The following ARHGAP24 variants were observed in gnomAD, a reference collection of about 807,000 sequenced individuals.
The protein encoded by ARHGAP24 is Rho GTPase activating protein 24.
ARHGAP24 carries 50 observed loss-of-function variants against 76.4 expected under a neutral mutation model. The ratio of observed to expected loss-of-function variants is 0.65; its 90% CI spans 0.52 to 0.83. The LOEUF is 0.83. ARHGAP24 is among the 40% of genes least tolerant of loss of function. The probability of loss-of-function intolerance (pLI) is 0.00; values close to 1 mark genes in which losing one functional copy is unlikely to be tolerated. For synonymous variants in ARHGAP24, 345 were observed against 323.3 expected (o/e 1.07, Z -0.72); for missense variants, 930 against 914.2 (o/e 1.02, Z -0.22).
intron 5 of ARHGAP24, among the ~76,000 whole-genome samples, chr4:85,962,998 A>G (rs947417230): frequency 6.6e-6 from 1 of 151,982 alleles, no homozygotes; most frequent in Non-Finnish European, 1.5e-5. Context: ...AACAAAATAT[A>G]TATGTATCTG....
chr4:85,682,948 C>T (rs925769084), intron 2 of ARHGAP24, among the ~76,000 whole-genome samples: 1 of 152,066 alleles, frequency 6.6e-6, no homozygotes, highest in Middle Eastern at 3.4e-3. Flanking sequence ...TCTCCCATAC[C>T]AAAAATGATC....
intron 1 of ARHGAP24, among the ~76,000 whole-genome samples, chr4:85,491,534 AAC>A (rs138093021): frequency 6.6e-6 from 1 of 151,164 alleles, no homozygotes; most frequent in Non-Finnish European, 1.5e-5. Context: ...GGGTCTGTTT[AAC>A]ACACACACAC....
At chr4:85,581,279 T>C (rs1048810680) in intron 2 of ARHGAP24, among the ~76,000 whole-genome samples, 6 of 152,176 alleles carry the variant, frequency 3.9e-5, no homozygotes, top group African/African-American at 1.4e-4. Context: ...TTTATGTTCA[T>C]GTCACGTAGT....
At chr4:85,829,535 T>C (rs1219824810) in intron 3 of ARHGAP24, among the ~76,000 whole-genome samples, 1 of 152,210 alleles carries the variant, frequency 6.6e-6, no homozygotes, top group Non-Finnish European at 1.5e-5. Context: ...AACACTGTAA[T>C]GCTTTCTATG....
At chr4:85,903,835 A>G (rs1324520580) in intron 3 of ARHGAP24, among the ~76,000 whole-genome samples, 1 of 152,160 alleles carries the variant, frequency 6.6e-6, no homozygotes, top group Non-Finnish European at 1.5e-5. Context: ...AATATATTCC[A>G]TAAAACACAA....
At chr4:85,665,400 A>G (rs1722571889) in intron 2 of ARHGAP24, among the ~76,000 whole-genome samples, 1 of 152,010 alleles carries the variant, frequency 6.6e-6, no homozygotes, top group South Asian at 2.1e-4. Context: ...TTTTCAGCCT[A>G]TGTGTGTCTC....
At chr4:85,996,100 T>C (rs1437590601) in intron 9 of ARHGAP24, among the ~76,000 whole-genome samples, 2 of 152,188 alleles carry the variant, frequency 1.3e-5, no homozygotes, top group Non-Finnish European at 2.9e-5. Context: ...GTTTTATTCT[T>C]TCAATCATTG....
intron 1 of ARHGAP24, among the ~76,000 whole-genome samples, chr4:85,475,805 A>G (rs974454369): frequency 6.6e-6 from 1 of 151,816 alleles, no homozygotes; most frequent in African/African-American, 2.4e-5. Flanking sequence ...GCGCGCGCGC[A>G]TGTTTGTGCC....
chr4:85,835,320 G>C (rs1050429258), intron 3 of ARHGAP24, among the ~76,000 whole-genome samples: 3 of 151,860 alleles, frequency 2.0e-5, no homozygotes, highest in Admixed American at 2.0e-4. Flanking sequence ...GCACTTTTGG[G>C]AGGCTGAGGC....
chr4:85,977,287 A>G (rs954393269), intron 7 of ARHGAP24, among the ~76,000 whole-genome samples: 10 of 152,194 alleles, frequency 6.6e-5, no homozygotes, highest in Admixed American at 6.5e-4. Context: ...TCTCAAGTCC[A>G]TATTAGTATT....
chr4:85,858,603 A>G lies in ARHGAP24; in HGVS notation c.269-65045A>G, dbSNP rs1731715715. ...AATGTTAAAGAAAACATTATCTGGT[A>G]TGTTATGGCATTAAATAAAGCATTT... On this transcript the variant is annotated intron_variant, in intron 3 of 9. Transcript: ENST00000395184. 2.0e-5 allele frequency among the ~76,000 whole-genome samples: 3 copies of G among 152,270 alleles called. No homozygotes were observed. The South Asian group carries it at 6.2e-4, about 32-fold the overall frequency.
intron 3 of ARHGAP24, among the ~76,000 whole-genome samples, chr4:85,803,045 A>C (rs903728538): frequency 1.3e-5 from 2 of 152,244 alleles, no homozygotes; most frequent in Non-Finnish European, 2.9e-5. Flanking sequence ...TCACATTTGC[A>C]AAACAATAAT....
chr4:85,768,712 G>T (rs997219421), intron 3 of ARHGAP24, among the ~76,000 whole-genome samples: 2 of 152,134 alleles, frequency 1.3e-5, no homozygotes, highest in African/African-American at 4.8e-5. Context: ...AGGAGGCAGA[G>T]GTTGCAGTGA....
chr4:85,554,478 A>G (rs192251043), intron 1 of ARHGAP24, among the ~76,000 whole-genome samples: 39 of 152,126 alleles, frequency 2.6e-4, no homozygotes, highest in Admixed American at 2.1e-3. Flanking sequence ...ATAATCCCAT[A>G]TTTCTCGTTT....
chr4:85,544,809 C>A (rs1481758276), intron 1 of ARHGAP24, among the ~76,000 whole-genome samples: 1 of 152,122 alleles, frequency 6.6e-6, no homozygotes, highest in South Asian at 2.1e-4. Context: ...AACTCCCTGC[C>A]TTTCATCTTT....
intron 3 of ARHGAP24, among the ~76,000 whole-genome samples, chr4:85,778,402 G>A (rs1560627766): frequency 6.6e-6 from 1 of 152,094 alleles, no homozygotes; most frequent in African/African-American, 2.4e-5. Context: ...TTCCCCTCAG[G>A]TATGTTAGTG....
intron 3 of ARHGAP24, among the ~76,000 whole-genome samples, chr4:85,776,812 A>T (rs1727325179): frequency 6.6e-6 from 1 of 152,184 alleles, no homozygotes; most frequent in African/African-American, 2.4e-5. Context: ...TGTCTCCTCA[A>T]GGCCTATTAC....
intron 3 of ARHGAP24, among the ~76,000 whole-genome samples, chr4:85,845,799 C>T (rs989276271): frequency 2.0e-5 from 3 of 152,134 alleles, no homozygotes; most frequent in African/African-American, 7.2e-5. Flanking sequence ...GAGGATTACA[C>T]TAGAATGCAT....
chr4:85,532,553 C>A (rs1452930865), intron 1 of ARHGAP24, among the ~76,000 whole-genome samples: 3 of 151,994 alleles, frequency 2.0e-5, no homozygotes, highest in Non-Finnish European at 4.4e-5. Flanking sequence ...ACAATTTGAC[C>A]ATACAGAATT....
Sources: gnomAD v4.1 joint callset for allele counts (sites outside exome capture counted in the v4.1 genomes callset) on GRCh38, gnomAD v4.1.1 for gene constraint, MANE v1.5 for transcripts, NCBI Gene and HGNC (gene_info 2026-07-23, HGNC 2026-07-21) for gene names.